The following FBXO8 variants were observed in gnomAD, a reference collection of about 807,000 sequenced individuals.
FBXO8 encodes F-box only protein 8.
In FBXO8, 15 loss-of-function variants were observed where a neutral mutation model predicts 33.4. The ratio of observed to expected loss-of-function variants is 0.45; its 90% confidence interval spans 0.30 to 0.69. The LOEUF is 0.69. Ranked by LOEUF, FBXO8 falls within the 30% of genes least tolerant of loss-of-function variation. The pLI, the probability that FBXO8 is intolerant of heterozygous loss-of-function variation, is 0.08. For synonymous variants in FBXO8, 132 were observed against 131.5 expected, an observed-to-expected ratio of 1.00 and a Z score of -0.02; for missense variants, 274 against 380.3, an observed-to-expected ratio of 0.72 and a Z score of 2.32.
In FBXO8 at chr4:174,237,469, T is replaced by C; in HGVS notation, c.903A>G (p.Glu301=). Reference sequence around the variant, plus strand: ...TGTCATAAAGATGCCCTACAAAATCTTCACTAATATTTTGAGCAGCGCGAC... The same window carrying C: ...TGTCATAAAGATGCCCTACAAAATCCTCACTAATATTTTGAGCAGCGCGAC... The part of the protein sequence containing the change: ...NTRRAAQNIS[E]DFVGHLYDNI... Residue 301 remains glutamate (E), a synonymous_variant, in exon 6 of 6, where the codon GAA becomes GAG. Transcript: ENST00000393674. The surrounding 1 kb of genome is among the most constrained non-coding windows in gnomAD (Gnocchi z 4.4). 1.9e-6 allele frequency: 3 copies of C among 1,613,752 alleles called. No homozygotes were observed. Among genetic ancestry groups the C allele is most frequent in the Non-Finnish European group, 2.5e-6 (3 of 1,179,740 alleles).
chr4:174,248,069 A>T (rs1026398530), intron 3 of FBXO8, among the ~76,000 whole-genome samples: 1 of 152,076 alleles, frequency 6.6e-6, no homozygotes, highest in African/African-American at 2.4e-5. Context: ...CGGTGAAATA[A>T]GCGCAGAAGA....
At position 174,262,602 on chromosome 4, in the gene FBXO8, CT is replaced by C. The variant is rs370748396; in HGVS notation, c.329+161del. 1.0e-3 allele frequency among the ~76,000 whole-genome samples: 156 copies of C among 152,278 alleles called. 7 individuals are homozygous for C. The South Asian group carries it at 0.031, about 30-fold the overall frequency. On this transcript the variant is annotated intron_variant, in intron 2 of 5. Transcript: ENST00000393674. This position sits in a 1 kb window ranked among gnomAD's most constrained non-coding sequence, Gnocchi z 4.6. ...CTCCTTTTCACAAGATCAAATTTGACTGTGATGCTAACTGTATATTTTTCCA... is the reference window on the plus strand; with the variant it reads ...CTCCTTTTCACAAGATCAAATTTGACGTGATGCTAACTGTATATTTTTCCA...
chr4:174,260,520 G>A (rs762962642), intron 2 of FBXO8, among the ~76,000 whole-genome samples: 11 of 151,974 alleles, frequency 7.2e-5, no homozygotes, highest in Non-Finnish European at 1.2e-4. Flanking sequence ...GTTCAACATA[G>A]CTGTTTTTAA....
intron 1 of FBXO8, among the ~76,000 whole-genome samples, chr4:174,273,614 T>C (rs542052147): frequency 1.2e-4 from 18 of 152,324 alleles, no homozygotes; most frequent in African/African-American, 4.3e-4. Context: ...TGGTGTGATG[T>C]ATGCAACCTA....
chr4:174,246,619 T>A (rs1296260546), intron 3 of FBXO8, among the ~76,000 whole-genome samples: 2 of 151,888 alleles, frequency 1.3e-5, no homozygotes. Flanking sequence ...AATTATGACC[T>A]ACTCATGTTA....
rs532431535 is a variant in FBXO8, at chr4:174,255,109, C to A, written c.456+4590G>T. On this transcript the variant is annotated intron_variant, in intron 3 of 5. Transcript: ENST00000393674. This position sits in a 1 kb window ranked among gnomAD's most constrained non-coding sequence, Gnocchi z 4.3. ...CCAACTAATCATAATCTATCATGTTCAAATTAGACTTAAGAATTCCTTTTT... is the reference window on the plus strand; with the variant it reads ...CCAACTAATCATAATCTATCATGTTAAAATTAGACTTAAGAATTCCTTTTT... 2.6e-5 allele frequency among the ~76,000 whole-genome samples: 4 copies of A among 152,166 alleles called. No homozygotes were observed. Among genetic ancestry groups the A allele is most frequent in the Admixed American group, 2.6e-4 (4 of 15,272 alleles).
intron 3 of FBXO8, among the ~76,000 whole-genome samples, chr4:174,250,995 A>T (rs1188289865): frequency 1.3e-5 from 2 of 152,172 alleles, no homozygotes; most frequent in Non-Finnish European, 2.9e-5. Context: ...GAGAAAATAA[A>T]AAGCAAACAG....
At chr4:174,242,642 A>AT (rs1379486667) in intron 3 of FBXO8, among the ~76,000 whole-genome samples, 1 of 151,626 alleles carries the variant, frequency 6.6e-6, no homozygotes, top group Non-Finnish European at 1.5e-5. Flanking sequence ...TAAATCCTGA[A>AT]TACAAGGGCT....
Position 174,277,678 on chromosome 4 carries a change from T to C in FBXO8, c.-9+5732A>G, listed in dbSNP as rs1472438736. On this transcript the variant is annotated intron_variant, in intron 1 of 5. Transcript: ENST00000393674. This position sits in a 1 kb window ranked among gnomAD's most constrained non-coding sequence, Gnocchi z 4.9. ...AATGACTGACATATGAATAGCCTCA[T>C]TTAAATACACATTATAAATGGTCAT... is the stretch of plus-strand genomic sequence containing the variant. Among the ~76,000 whole-genome samples, 1 of 152,168 alleles carries C rather than the reference T, an allele frequency of 6.6e-6. No homozygotes were observed.
intron 1 of FBXO8, among the ~76,000 whole-genome samples, chr4:174,282,707 G>T (rs377040943): frequency 3.9e-5 from 6 of 151,934 alleles, no homozygotes; most frequent in African/African-American, 1.2e-4. Flanking sequence ...TTCATTTGTG[G>T]ATATACACCT....
intron 5 of FBXO8, among the ~76,000 whole-genome samples, chr4:174,238,161 G>A (rs1735931870): frequency 6.6e-6 from 1 of 151,888 alleles, no homozygotes; most frequent in African/African-American, 2.4e-5. Context: ...ATGTTATAAA[G>A]GCCTGTGGAA....
At position 174,237,477 on chromosome 4, in the gene FBXO8, T is replaced by C; in HGVS notation, c.895A>G (p.Ile299Val). 1.2e-6 allele frequency: 2 copies of C among 1,613,818 alleles called. No individual in the cohort carries two copies. Among genetic ancestry groups the C allele is most frequent in the Non-Finnish European group, 1.7e-6 (2 of 1,179,752 alleles). Reference protein sequence around the residue: ...IRNTRRAAQNISEDFVGHLYD... With the variant: ...IRNTRRAAQNVSEDFVGHLYD... ...AGATGCCCTACAAAATCTTCACTAA[T>C]ATTTTGAGCAGCGCGACGGGTATTT... Residue 299 changes from isoleucine to valine, a missense_variant, in exon 6 of 6, where the codon ATT (isoleucine) becomes GTT (valine). Coordinates refer to ENST00000393674, the MANE Select transcript of FBXO8 (RefSeq NM_012180.3). This position sits in a 1 kb window ranked among gnomAD's most constrained non-coding sequence, Gnocchi z 4.4.
At chr4:174,249,086 G>A (rs902709391) in intron 3 of FBXO8, among the ~76,000 whole-genome samples, 1 of 151,956 alleles carries the variant, frequency 6.6e-6, no homozygotes, top group Non-Finnish European at 1.5e-5. Flanking sequence ...CGTTCTAATA[G>A]CCTCAAACAG....
rs533505076 is a variant in FBXO8, at chr4:174,261,040, T to A, written c.330-1215A>T. Among the ~76,000 whole-genome samples the A allele has an allele frequency of 9.9e-5, 15 of 152,122 alleles. No individual in the cohort carries two copies. Among genetic ancestry groups the A allele is most frequent in the African/African-American group, 3.4e-4 (14 of 41,578 alleles). On this transcript the variant is annotated intron_variant, in intron 2 of 5. Coordinates refer to ENST00000393674, the MANE Select transcript of FBXO8 (RefSeq NM_012180.3). The surrounding 1 kb of genome is among the most constrained non-coding windows in gnomAD (Gnocchi z 4.1). The stretch of plus-strand genomic sequence containing the variant: ...AGGGGGTAAAATATCTAATTTAACA[T>A]GAGACTACCCTCTTAGTAGTTGATT...
At chr4:174,239,993 T>C (rs1337959659) in intron 4 of FBXO8, among the ~76,000 whole-genome samples, 3 of 151,660 alleles carry the variant, frequency 2.0e-5, no homozygotes, top group African/African-American at 7.2e-5. Flanking sequence ...AGATCTGGCC[T>C]GCTGCCTGCT....
intron 3 of FBXO8, among the ~76,000 whole-genome samples, chr4:174,258,906 T>C (rs1736477605): frequency 6.6e-6 from 1 of 152,114 alleles, no homozygotes; most frequent in East Asian, 1.9e-4. Flanking sequence ...AAAAAGTTGT[T>C]TTTGAAAATT....
In FBXO8 at chr4:174,262,696, TA is replaced by T; in HGVS notation, c.329+67del. On this transcript the variant is annotated intron_variant, in intron 2 of 5. Transcript: ENST00000393674. The surrounding 1 kb of genome is among the most constrained non-coding windows in gnomAD (Gnocchi z 4.6). Reference sequence around the variant, plus strand: ...AGAAAATATTTTGTAATATACATTATAAAAAGAACATTGAAGCATGATTATG... The same window carrying T: ...AGAAAATATTTTGTAATATACATTATAAAAGAACATTGAAGCATGATTATG... The T allele has an allele frequency of 7.4e-7, 1 of 1,343,176 alleles. No homozygotes were observed. Among genetic ancestry groups the T allele is most frequent in the Non-Finnish European group, 1.0e-6 (1 of 969,136 alleles). The allele number at this position is 1,343,176 out of a possible 1,614,324, so 83.2% of individuals were successfully genotyped here.
chr4:174,259,561 T>A lies in FBXO8; in HGVS notation c.456+138A>T, dbSNP rs986362426. 13 of 1,104,980 alleles carry A rather than the reference T, an allele frequency of 1.2e-5. No homozygotes were observed. The Admixed American group carries it at 3.5e-4, about 29-fold the overall frequency. 68.4% of individuals were successfully genotyped at this position (1,104,980 alleles called of 1,614,324 possible). A position where few individuals can be genotyped will look rare whatever the true frequency, so the allele number is the denominator to read the frequency against. On this transcript the variant is annotated intron_variant, in intron 3 of 5. Transcript: ENST00000393674. This position sits in a 1 kb window ranked among gnomAD's most constrained non-coding sequence, Gnocchi z 4.3. ...ATGACTATGTCACATAGCAATAGTT[T>A]AAAATATTGGTTTTCTCAGTGATCA...
intron 3 of FBXO8, among the ~76,000 whole-genome samples, chr4:174,246,556 G>GA (rs1423443954): frequency 6.6e-6 from 1 of 150,806 alleles, no homozygotes; most frequent in African/African-American, 2.4e-5. Flanking sequence ...TACAAAGGAG[G>GA]AAAAAATGGC....
Sources: gnomAD v4.1 joint callset for allele counts (sites outside exome capture counted in the v4.1 genomes callset) on GRCh38, gnomAD v4.1.1 for gene constraint, Gnocchi (gnomAD v3.1) non-coding constraint, MANE v1.5 for transcripts, NCBI Gene and HGNC (gene_info 2026-07-23, HGNC 2026-07-21) for gene names.